The following TASP1 variants were observed in gnomAD, a reference collection of about 807,000 sequenced individuals.
TASP1 encodes the protein taspase 1, also known as threonine aspartase 1.
A neutral mutation model predicts 56.6 loss-of-function variants in TASP1; 16 were observed. That is an observed-to-expected ratio of 0.28 (90% CI 0.19 to 0.43). The LOEUF (loss-of-function observed/expected upper bound fraction) is 0.43. Ranked by LOEUF, TASP1 falls within the 20% of genes least tolerant of loss-of-function variation. TASP1 has a pLI of 1.00. For synonymous variants in TASP1, 179 were observed against 184.2 expected, an observed-to-expected ratio of 0.97 and a Z score of 0.23; for missense variants, 393 against 511.6, an observed-to-expected ratio of 0.77 and a Z score of 2.24.
intron 13 of TASP1, chr20:13,392,618 C>G (rs1164513961): frequency 2.6e-6 from 1 of 383,450 alleles, no homozygotes; most frequent in East Asian, 6.2e-5. Flanking sequence ...CTTAAGGCAC[C>G]CTGCTCCTGC....
At chr20:13,387,831 G>C (rs985973628), downstream of TASP1, among the ~76,000 whole-genome samples, 1 of 152,222 alleles carries the variant, frequency 6.6e-6, no homozygotes, top group African/African-American at 2.4e-5. Flanking sequence ...TTTAGACATG[G>C]TAATTAGAAG....
chr20:13,288,015 G>C, the TASP1 span, among the ~76,000 whole-genome samples: 2 of 152,150 alleles, frequency 1.3e-5, no homozygotes, highest in Non-Finnish European at 2.9e-5. Flanking sequence ...TAGTCCATGT[G>C]GCTCCTCTCT....
chr20:13,227,532 G>A, the TASP1 span, among the ~76,000 whole-genome samples: 93 of 128,682 alleles, frequency 7.2e-4, 1 homozygote, highest in African/African-American at 2.5e-3. Context: ...TTTTTGAGAC[G>A]GAGTCTTGCT....
intron 12 of TASP1, among the ~76,000 whole-genome samples, chr20:13,432,133 A>G (rs1290974766): frequency 6.6e-6 from 1 of 152,248 alleles, no homozygotes; most frequent in African/African-American, 2.4e-5. Context: ...TTTGATAGAC[A>G]TTATATAAAG....
the TASP1 span, among the ~76,000 whole-genome samples, chr20:13,178,574 G>T: frequency 6.6e-6 from 1 of 151,618 alleles, no homozygotes; most frequent in South Asian, 2.1e-4. Context: ...CCATCAAAAA[G>T]AATGAAATCC....
chr20:13,485,628 T>TC (rs1193690340), intron 10 of TASP1, among the ~76,000 whole-genome samples: 1 of 152,198 alleles, frequency 6.6e-6, no homozygotes. Context: ...ATGTGTAACT[T>TC]TGTGGCATTC....
chr20:13,116,664 G>A, the TASP1 span, among the ~76,000 whole-genome samples: 55,039 of 151,982 alleles, frequency 0.36, 10,073 homozygotes, highest in Admixed American at 0.4. Flanking sequence ...GACTTGAAGT[G>A]CTTTTGCAAC....
intron 8 of TASP1, among the ~76,000 whole-genome samples, chr20:13,541,563 C>T (rs2045623300): frequency 6.6e-6 from 1 of 152,064 alleles, no homozygotes; most frequent in African/African-American, 2.4e-5. Flanking sequence ...CATAACATCT[C>T]ATCACCTTCT....
the TASP1 span, chr20:13,117,702 G>A: frequency 6.2e-7 from 1 of 1,612,912 alleles, no homozygotes; most frequent in Admixed American, 1.7e-5. Flanking sequence ...TGGAGCTTCA[G>A]GAGGTTACAT....
At chr20:13,111,169 G>A in the TASP1 span, among the ~76,000 whole-genome samples, 1 of 152,132 alleles carries the variant, frequency 6.6e-6, no homozygotes, top group African/African-American at 2.4e-5. Flanking sequence ...CTGCCCCCAT[G>A]GTTAGGGTTC....
At chr20:13,409,466 T>C (rs571037289) in intron 13 of TASP1, among the ~76,000 whole-genome samples, 3 of 152,074 alleles carry the variant, frequency 2.0e-5, no homozygotes, top group African/African-American at 7.2e-5. Flanking sequence ...ATGGACCACA[T>C]TTTCAATATG....
At chr20:13,489,152 G>A (rs1461460642) in intron 10 of TASP1, among the ~76,000 whole-genome samples, 1 of 152,086 alleles carries the variant, frequency 6.6e-6, no homozygotes, top group Non-Finnish European at 1.5e-5. Context: ...ACAAACCTAG[G>A]CAGATGGAGA....
At chr20:13,547,244 T>C (rs1401294693) in intron 8 of TASP1, among the ~76,000 whole-genome samples, 1 of 152,188 alleles carries the variant, frequency 6.6e-6, no homozygotes, top group Non-Finnish European at 1.5e-5. Flanking sequence ...TTCAATTCAA[T>C]TAACACTTAT....
chr20:13,233,154 C>T, the TASP1 span, among the ~76,000 whole-genome samples: 5 of 152,258 alleles, frequency 3.3e-5, no homozygotes, highest in Non-Finnish European at 7.3e-5. Flanking sequence ...ATTAAGAAAA[C>T]CAGAAATAGA....
chr20:13,624,676 A>G (rs1006268285), intron 3 of TASP1, among the ~76,000 whole-genome samples: 6 of 152,208 alleles, frequency 3.9e-5, no homozygotes, highest in African/African-American at 1.4e-4. Flanking sequence ...TAAATATTCA[A>G]CAATTTAGCA....
chr20:13,486,314 G>A (rs2043316340), intron 10 of TASP1, among the ~76,000 whole-genome samples: 1 of 151,980 alleles, frequency 6.6e-6, no homozygotes, highest in African/African-American at 2.4e-5. Context: ...TCACATCTTA[G>A]CAGAAAACAT....
chr20:13,107,645 C>T, the TASP1 span, among the ~76,000 whole-genome samples: 1 of 152,136 alleles, frequency 6.6e-6, no homozygotes, highest in Non-Finnish European at 1.5e-5. Flanking sequence ...CAAAGATCCA[C>T]CATTCTTCCA....
At chr20:13,435,208 T>C (rs2042959961) in intron 11 of TASP1, 54 bp from the exon 12 acceptor site, 3 of 1,323,912 alleles carry the variant, frequency 2.3e-6, no homozygotes, top group South Asian at 2.7e-5. Flanking sequence ...TTTTAAATTT[T>C]CAATTTTCAT....
chr20:13,277,643 C>CT, the TASP1 span, among the ~76,000 whole-genome samples: 182 of 145,686 alleles, frequency 1.2e-3, 1 homozygote, highest in Non-Finnish European at 2.1e-3. Flanking sequence ...CCCCCCTACC[C>CT]TTTTTTTTTT....
Sources: allele counts gnomAD v4.1 joint callset (sites outside exome capture counted in the v4.1 genomes callset), GRCh38; gene constraint gnomAD v4.1.1; transcripts MANE v1.5; gene names NCBI Gene and HGNC (gene_info 2026-07-23, HGNC 2026-07-21).